The following COL18A1 variants were observed in gnomAD, a reference collection of about 807,000 sequenced individuals.
The protein encoded by COL18A1 is collagen alpha-1(XVIII) chain.
In COL18A1, 133 loss-of-function variants were observed where a neutral mutation model predicts 168.0. The ratio of observed to expected loss-of-function variants is 0.79; its 90% CI spans 0.69 to 0.91. The LOEUF (loss-of-function observed/expected upper bound fraction) is 0.91, where lower values mean the gene tolerates loss of function less well. COL18A1 is among the 40% of genes least tolerant of loss of function. The pLI is 0.00. For synonymous variants in COL18A1, 949 were observed against 809.0 expected (o/e 1.17, Z -2.94); for missense variants, 2,126 against 1,925.4 (o/e 1.10, Z -1.95).
chr21:45,485,774 G>T (rs982585803), intron 15 of COL18A1, among the ~76,000 whole-genome samples: 1 of 152,204 alleles, frequency 6.6e-6, no homozygotes. Flanking sequence ...GCCCCTGTGG[G>T]GGACATGGGA....
intron 3 of COL18A1, among the ~76,000 whole-genome samples, chr21:45,472,885 G>A (rs528287958): frequency 2.9e-4 from 44 of 152,164 alleles, no homozygotes; most frequent in Non-Finnish European, 4.6e-4. Flanking sequence ...ATGCTCTCAC[G>A]CACATGTGCC....
chr21:45,427,568 T>C (rs1165052976), intron 2 of COL18A1, among the ~76,000 whole-genome samples: 1 of 152,158 alleles, frequency 6.6e-6, no homozygotes, highest in Non-Finnish European at 1.5e-5. Context: ...ACCTCTGCGG[T>C]GTGTCTGGAC....
intron 2 of COL18A1, chr21:45,421,726 C>A: frequency 2.4e-6 from 1 of 418,470 alleles, no homozygotes; most frequent in East Asian, 6.1e-5. Context: ...CACAGAGACC[C>A]TCATTCCTGC....
At chr21:45,421,452 C>T (rs2838919) in intron 2 of COL18A1, 8,746 of 534,536 alleles carry the variant, frequency 0.016, 394 homozygotes, top group African/African-American at 0.12. Flanking sequence ...GCAGTGACAG[C>T]CCTGGCGTCT....
intron 2 of COL18A1, chr21:45,456,626 G>T (rs1430293317): frequency 6.5e-7 from 1 of 1,538,830 alleles, no homozygotes; most frequent in South Asian, 1.2e-5. Flanking sequence ...CGGCGAGCAG[G>T]TGCGGGCCGG....
In COL18A1 at chr21:45,504,407, C is replaced by T. The variant is rs773822704; in HGVS notation, c.2728-9C>T. 1.1e-4 allele frequency: 178 copies of T among 1,610,314 alleles called. No homozygotes were observed. Among genetic ancestry groups the T allele is most frequent in the Non-Finnish European group, 1.4e-4 (168 of 1,178,632 alleles). On this transcript the variant is annotated splice_polypyrimidine_tract_variant and intron_variant, in intron 33 of 41. Transcript: ENST00000651438. ...AGGGCTCCCGTGTAACAAGTGTTTC[C>T]GTCCACAGGGGGAGAAGGGAGACCG...
chr21:45,468,522 G>A lies in COL18A1; in HGVS notation c.387G>A (p.Gln129=), dbSNP rs553972819. 6.2e-7 allele frequency: 1 copy of A among 1,613,544 alleles called. No homozygotes were observed. Among genetic ancestry groups the A allele is most frequent in the Admixed American group, 1.7e-5 (1 of 60,032 alleles). ...VLLGVKLSGV[Q]DGHQDISLLY... is the part of the protein sequence containing the mutation. ...TGGGCGTGAAGCTCTCTGGGGTGCA[G>A]GACGGGCACCAGGACATCTCCCTGC... is the stretch of plus-strand genomic sequence containing the variant. The change falls in exon 3 of 42, where the codon CAG becomes CAA. Residue 129 remains glutamine (Q), a synonymous_variant. Transcript: ENST00000651438.
Position 45,505,155 on chromosome 21 carries a change from C to G in COL18A1, c.2890C>G (p.Arg964Gly). The G allele has an allele frequency of 6.2e-7, 1 of 1,608,844 alleles. No homozygotes were observed. Among genetic ancestry groups the G allele is most frequent in the South Asian group, 1.1e-5 (1 of 90,568 alleles). Reference protein sequence around the residue: ...GIPGPKGESIRGQPGPPGPQG... With the variant: ...GIPGPKGESIGGQPGPPGPQG... Reference sequence around the variant, plus strand: ...GTAGGGTCCCAAGGGAGAGAGCATCCGGGGCCAGCCCGGCCCACCTGGACC... The same window carrying G: ...GTAGGGTCCCAAGGGAGAGAGCATCGGGGGCCAGCCCGGCCCACCTGGACC... Residue 964 changes from arginine to glycine, a missense_variant, in exon 35 of 42, where the codon CGG (arginine) becomes GGG (glycine). Arg to Gly is a moderately radical substitution (Grantham distance 125). Coordinates refer to ENST00000651438, the MANE Select transcript of COL18A1 (RefSeq NM_001379500.1).
chr21:45,505,267 C>T lies in COL18A1; in HGVS notation c.3002C>T (p.Pro1001Leu), dbSNP rs375478181. The T allele has an allele frequency of 1.4e-5, 23 of 1,606,980 alleles. No homozygotes were observed. Among genetic ancestry groups the T allele is most frequent in the Non-Finnish European group, 1.6e-5 (19 of 1,176,208 alleles). ...GPPGPPSFPGPHRQTISVPGP... is the reference protein window; with the variant it reads ...GPPGPPSFPGLHRQTISVPGP... ...CCAGGGCCCCCTTCATTTCCTGGCCCTCACAGGCAGAGTAAGTCAGTGGGG... is the reference window on the plus strand; with the variant it reads ...CCAGGGCCCCCTTCATTTCCTGGCCTTCACAGGCAGAGTAAGTCAGTGGGG... The change falls in exon 35 of 42, where the codon CCT (proline) becomes CTT (leucine). Residue 1001 changes from proline to leucine, a missense_variant. Coordinates refer to ENST00000651438, the MANE Select transcript of COL18A1 (RefSeq NM_001379500.1).
At chr21:45,431,104 C>T (rs78754819) in intron 2 of COL18A1, among the ~76,000 whole-genome samples, 6,735 of 152,150 alleles carry the variant, frequency 0.044, 346 homozygotes, top group East Asian at 0.19. Context: ...CGCTCCTGTG[C>T]GGGAGGAGGT....
intron 2 of COL18A1, chr21:45,420,538 C>A (rs1057475320): frequency 5.9e-5 from 9 of 152,280 alleles, no homozygotes; most frequent in African/African-American, 2.2e-4. Context: ...CCTCCTTCAT[C>A]CCTGCTGTCA....
chr21:45,476,606 ATGTG>A, intron 6 of COL18A1, 126 bp downstream of exon 6: 1 of 1,215,080 alleles, frequency 8.2e-7, no homozygotes, highest in Non-Finnish European at 1.2e-6. Context: ...TATATGGTAC[ATGTG>A]TGTGTGATAT....
chr21:45,433,187 A>G (rs1286300029), intron 2 of COL18A1, among the ~76,000 whole-genome samples: 1 of 152,162 alleles, frequency 6.6e-6, no homozygotes, highest in East Asian at 1.9e-4. Context: ...GGACAAGGAG[A>G]GAGGGACGCG....
intron 2 of COL18A1, chr21:45,456,990 C>A: frequency 2.2e-6 from 2 of 911,890 alleles, no homozygotes; most frequent in Non-Finnish European, 3.0e-6. Flanking sequence ...CGAATCTCTA[C>A]GTTCAGGGGC....
rs1318227932 is a variant in COL18A1, at chr21:45,480,688, G to A, written c.1453-12G>A. On this transcript the variant is annotated splice_polypyrimidine_tract_variant and intron_variant, in intron 12 of 41. Coordinates refer to ENST00000651438, the MANE Select transcript of COL18A1 (RefSeq NM_001379500.1). ...ACATGGGCTGTGACTATCTGTGTTC[G>A]CCCACGTCCAGGGTCCTCGAGGCTT... is the stretch of plus-strand genomic sequence containing the variant. 17 of 1,610,578 alleles carry A rather than the reference G, an allele frequency of 1.1e-5. No individual in the cohort carries two copies. In the East Asian group the frequency reaches 1.1e-4, roughly 11 times the overall value.
Position 45,445,123 on chromosome 21 carries a change from T to G in COL18A1, c.107-23119T>G, listed in dbSNP as rs143134475. The stretch of plus-strand genomic sequence containing the variant: ...CCAGAGAGAAGCCTTTCCGCCGCCC[T>G]CCCTCCCTCCAGTCCTGGCCACCGG... On this transcript the variant is annotated intron_variant, in intron 2 of 41. Coordinates refer to ENST00000651438, the MANE Select transcript of COL18A1 (RefSeq NM_001379500.1). Among the ~76,000 whole-genome samples the G allele has an allele frequency of 6.0e-4, 92 of 152,234 alleles. No individual in the cohort carries two copies. In the East Asian group the frequency reaches 0.016, roughly 26 times the overall value.
At chr21:45,511,497 C>T (rs2037606486) in intron 41 of COL18A1, among the ~76,000 whole-genome samples, 1 of 152,106 alleles carries the variant, frequency 6.6e-6, no homozygotes. Context: ...TCCATGTCTC[C>T]CGGATGTCAC....
rs778190128 is a variant in COL18A1, at chr21:45,468,758, C to CG, written c.629dup (p.Ala211SerfsTer4). 4 of 1,406,848 alleles carry CG rather than the reference C, an allele frequency of 2.8e-6. No individual in the cohort carries two copies. The highest frequency in any genetic ancestry group is 1.9e-5 in the Admixed American group (1 of 53,490). The allele number at this position is 1,406,848 out of a possible 1,614,324, so 87.1% of individuals were successfully genotyped here. On this transcript the variant is annotated frameshift_variant, in exon 3 of 42. Coordinates refer to ENST00000651438, the MANE Select transcript of COL18A1 (RefSeq NM_001379500.1). LOFTEE classifies it high-confidence loss of function. ...GGCGCCGGGCTCTTCGTGGCTCAGG[C>CG]GGGGGGAGCGGACCCTGACAAGTTC...
At chr21:45,421,259 A>G (rs879178341) in intron 2 of COL18A1, 17 of 373,064 alleles carry the variant, frequency 4.6e-5, no homozygotes, top group South Asian at 3.4e-4. Context: ...TGCAAAGGTG[A>G]AGCCAGATCT....
Sources: gnomAD v4.1 joint callset for allele counts (sites outside exome capture counted in the v4.1 genomes callset) on GRCh38, gnomAD v4.1.1 for gene constraint, MANE v1.5 for transcripts, NCBI Gene and HGNC (gene_info 2026-07-23, HGNC 2026-07-21) for gene names.